The following TENM3 variants were observed in gnomAD, a reference collection of about 807,000 sequenced individuals.
The protein encoded by TENM3 is teneurin transmembrane protein 3.
In TENM3, 63 loss-of-function variants were observed where a neutral mutation model predicts 255.1. The ratio of observed to expected loss-of-function variants is 0.25; its 90% CI spans 0.20 to 0.30. TENM3 has a LOEUF of 0.30. TENM3 is among the 10% of genes least tolerant of loss of function. TENM3 has a pLI of 1.00. For synonymous variants in TENM3, 1,306 were observed against 1,322.3 expected, an observed-to-expected ratio of 0.99 and a Z score of 0.27; for missense variants, 2,929 against 3,461.1, an observed-to-expected ratio of 0.85 and a Z score of 3.86.
chr4:181,779,260 G>A, the TENM3 span, among the ~76,000 whole-genome samples: 2 of 141,174 alleles, frequency 1.4e-5, no homozygotes, highest in South Asian at 2.3e-4. Context: ...TTTACTTTAA[G>A]TTATTTATTT....
chr4:181,939,454 G>A, the TENM3 span, among the ~76,000 whole-genome samples: 1 of 152,254 alleles, frequency 6.6e-6, no homozygotes, highest in African/African-American at 2.4e-5. Context: ...GAACCGCAGA[G>A]AAAGAGCTGT....
chr4:182,348,508 C>A (rs1413226355), intron 3 of TENM3, among the ~76,000 whole-genome samples: 2 of 152,084 alleles, frequency 1.3e-5, no homozygotes, highest in Admixed American at 6.6e-5. Flanking sequence ...ACAATAAAAT[C>A]TTTGACGTTA....
chr4:182,688,399 G>T (rs377749524), intron 12 of TENM3, 48 bp downstream of exon 12: 4 of 1,389,204 alleles, frequency 2.9e-6, no homozygotes, highest in Non-Finnish European at 2.9e-6. Flanking sequence ...CCAGAGAAGA[G>T]CACCGACGGT....
intron 12 of TENM3, among the ~76,000 whole-genome samples, chr4:182,696,711 G>A (rs1247600794): frequency 5.9e-5 from 9 of 151,552 alleles, no homozygotes; most frequent in African/African-American, 9.7e-5. Context: ...GTGACAGAGC[G>A]AGACTTCATC....
At chr4:182,224,641 C>T (rs1756033256) in intron 1 of TENM3, among the ~76,000 whole-genome samples, 2 of 151,996 alleles carry the variant, frequency 1.3e-5, no homozygotes, top group South Asian at 2.1e-4. Context: ...GAAGTGTGCA[C>T]AGCCCATAAT....
intron 3 of TENM3, among the ~76,000 whole-genome samples, chr4:182,567,229 T>G (rs1743884537): frequency 1.3e-5 from 2 of 152,316 alleles, no homozygotes; most frequent in South Asian, 4.1e-4. Context: ...TCAAAGTATG[T>G]TCAGAATTCA....
intron 3 of TENM3, among the ~76,000 whole-genome samples, chr4:182,359,248 A>C (rs1765786304): frequency 6.6e-6 from 1 of 152,118 alleles, no homozygotes; most frequent in Non-Finnish European, 1.5e-5. Flanking sequence ...TGAGTTAGGG[A>C]GGATTCTCTC....
chr4:181,652,296 G>C, the TENM3 span, among the ~76,000 whole-genome samples: 1 of 152,120 alleles, frequency 6.6e-6, no homozygotes, highest in Admixed American at 6.6e-5. Context: ...GCACTTTGCA[G>C]AAGTCAGTAA....
At chr4:182,169,837 G>A (rs903938348) in intron 1 of TENM3, among the ~76,000 whole-genome samples, 1 of 152,020 alleles carries the variant, frequency 6.6e-6, no homozygotes, top group African/African-American at 2.4e-5. Flanking sequence ...TGAAGCTTCT[G>A]TGGTGGGAAT....
chr4:182,537,369 A>G (rs1740438702), intron 3 of TENM3, among the ~76,000 whole-genome samples: 1 of 152,140 alleles, frequency 6.6e-6, no homozygotes, highest in Non-Finnish European at 1.5e-5. Context: ...CTTCTATGTA[A>G]GATCTCTCTC....
the TENM3 span, among the ~76,000 whole-genome samples, chr4:182,045,814 A>G: frequency 6.6e-6 from 1 of 152,148 alleles, no homozygotes; most frequent in Non-Finnish European, 1.5e-5. Context: ...TTTGGGAAGC[A>G]TAGGTGAGAC....
the TENM3 span, among the ~76,000 whole-genome samples, chr4:182,000,613 A>G: frequency 6.6e-6 from 1 of 152,188 alleles, no homozygotes; most frequent in Non-Finnish European, 1.5e-5. Flanking sequence ...GTACCAATCC[A>G]TGGTTGGTCA....
intron 4 of TENM3, among the ~76,000 whole-genome samples, chr4:182,626,238 A>G (rs749197218): frequency 8.5e-5 from 13 of 152,188 alleles, no homozygotes; most frequent in Non-Finnish European, 1.6e-4. Flanking sequence ...TCCAGACTAC[A>G]TGCCAGTGTG....
chr4:182,657,445 A>G (rs9312302), intron 6 of TENM3, among the ~76,000 whole-genome samples: 85,840 of 151,842 alleles, frequency 0.57, 24,888 homozygotes, highest in Non-Finnish European at 0.64. Context: ...CTATGCTTCC[A>G]CCTTTTCTCC....
At chr4:181,819,459 A>T in the TENM3 span, among the ~76,000 whole-genome samples, 2 of 152,178 alleles carry the variant, frequency 1.3e-5, no homozygotes, top group Non-Finnish European at 2.9e-5. Context: ...TCCCACAACC[A>T]TGGAGAACAG....
At chr4:181,480,825 ATT>A in the TENM3 span, among the ~76,000 whole-genome samples, 3 of 149,348 alleles carry the variant, frequency 2.0e-5, no homozygotes, top group African/African-American at 7.3e-5. Context: ...ATAGATATAT[ATT>A]AATAGTTACA....
chr4:182,238,208 G>A (rs1044376576), intron 1 of TENM3, among the ~76,000 whole-genome samples: 1 of 151,948 alleles, frequency 6.6e-6, no homozygotes, highest in Non-Finnish European at 1.5e-5. Context: ...GTCTGGGGTC[G>A]TCGGAAGCCT....
In TENM3 at chr4:182,307,423, C is replaced by T. The variant is rs556806017; in HGVS notation, c.-75-16523C>T. 2.6e-5 allele frequency among the ~76,000 whole-genome samples: 4 copies of T among 152,190 alleles called. No homozygotes were observed. The East Asian group carries it at 7.7e-4, about 29-fold the overall frequency. ...ACACCTCCTGGTTGCAGAAGGGTTG[C>T]CTCTGGACTAGGACAAAATGCCAAC... On this transcript the variant is annotated intron_variant, in intron 1 of 27. Coordinates refer to ENST00000511685, the MANE Select transcript of TENM3 (RefSeq NM_001080477.4).
At chr4:181,497,071 G>A in the TENM3 span, among the ~76,000 whole-genome samples, 24 of 152,202 alleles carry the variant, frequency 1.6e-4, no homozygotes, top group African/African-American at 5.8e-4. Flanking sequence ...TTAGAATAAA[G>A]AATTTAAGTA....
Sources: gnomAD v4.1 joint callset for allele counts (sites outside exome capture counted in the v4.1 genomes callset) on GRCh38, gnomAD v4.1.1 for gene constraint, MANE v1.5 for transcripts, NCBI Gene and HGNC (gene_info 2026-07-23, HGNC 2026-07-21) for gene names.